Variants in LINGO2 observed in about 807,000 individuals in gnomAD.
LINGO2 encodes the protein leucine-rich repeat and immunoglobulin-like domain-containing nogo receptor-interacting protein 2.
LINGO2 carries 14 observed loss-of-function variants against 30.6 expected under a neutral mutation model. The ratio of observed to expected loss-of-function variants is 0.46; its 90% CI spans 0.30 to 0.72. The LOEUF is 0.72. LINGO2 is among the 30% of genes least tolerant of loss of function. LINGO2 has a pLI of 0.07. For missense variants in LINGO2, 729 were observed against 751.7 expected (o/e 0.97, Z 0.35); for synonymous variants, 317 against 288.5 (o/e 1.10, Z -1.00).
chr9:28,510,309 T>A (rs1820319564), intron 1 of LINGO2, among the ~76,000 whole-genome samples: 3 of 152,192 alleles, frequency 2.0e-5, no homozygotes, highest in Admixed American at 2.0e-4. Context: ...GAAGCCTTAC[T>A]GATAATACAT....
the LINGO2 span, among the ~76,000 whole-genome samples, chr9:28,781,478 C>A: frequency 1.3e-5 from 2 of 152,102 alleles, no homozygotes. Flanking sequence ...AATAGCAAAA[C>A]AAAATCATTA....
chr9:28,219,694 T>C (rs1247466259), intron 4 of LINGO2, among the ~76,000 whole-genome samples: 1 of 152,196 alleles, frequency 6.6e-6, no homozygotes, highest in Non-Finnish European at 1.5e-5. Flanking sequence ...TTTATACCCT[T>C]CATAGTTAGT....
intron 1 of LINGO2, among the ~76,000 whole-genome samples, chr9:28,610,761 T>G (rs961545433): frequency 6.6e-6 from 1 of 152,182 alleles, no homozygotes; most frequent in East Asian, 1.9e-4. Flanking sequence ...CTAAGTCATA[T>G]ATAGAATGGT....
At chr9:28,759,562 G>A in the LINGO2 span, among the ~76,000 whole-genome samples, 1 of 151,766 alleles carries the variant, frequency 6.6e-6, no homozygotes, top group East Asian at 1.9e-4. Flanking sequence ...GGCGCCTGCA[G>A]TCCCAGCTAC....
chr9:28,132,204 T>C (rs537924275), intron 4 of LINGO2, among the ~76,000 whole-genome samples: 16 of 152,244 alleles, frequency 1.1e-4, no homozygotes, highest in Non-Finnish European at 1.9e-4. Flanking sequence ...ATGTCGTCTA[T>C]GTTTCTACTG....
At chr9:29,018,870 C>T in the LINGO2 span, among the ~76,000 whole-genome samples, 3 of 152,178 alleles carry the variant, frequency 2.0e-5, no homozygotes, top group East Asian at 5.8e-4. Context: ...AACTCAAGAA[C>T]GAAATTCACA....
chr9:28,401,368 T>C (rs539927574), intron 2 of LINGO2, among the ~76,000 whole-genome samples: 63 of 152,236 alleles, frequency 4.1e-4, no homozygotes, highest in Middle Eastern at 3.4e-3. Flanking sequence ...CTCCCACTTA[T>C]GAGTGAGAAC....
chr9:29,181,959 T>G, the LINGO2 span, among the ~76,000 whole-genome samples: 1 of 152,210 alleles, frequency 6.6e-6, no homozygotes, highest in Non-Finnish European at 1.5e-5. Flanking sequence ...TTGAGGGCTG[T>G]TGACACTATG....
chr9:28,594,752 A>C (rs1825092375), intron 1 of LINGO2, among the ~76,000 whole-genome samples: 1 of 152,234 alleles, frequency 6.6e-6, no homozygotes, highest in Non-Finnish European at 1.5e-5. Context: ...TATCTAGTCC[A>C]TCAGAGCTCC....
chr9:28,503,620 T>A (rs187535449), intron 1 of LINGO2, among the ~76,000 whole-genome samples: 1 of 151,994 alleles, frequency 6.6e-6, no homozygotes, highest in African/African-American at 2.4e-5. Flanking sequence ...AGAGTAAAAC[T>A]TAAATGCCAT....
chr9:28,745,336 T>C, the LINGO2 span, among the ~76,000 whole-genome samples: 2 of 152,052 alleles, frequency 1.3e-5, no homozygotes, highest in Non-Finnish European at 2.9e-5. Flanking sequence ...TTGAAGGTTG[T>C]TTGTAAGTCA....
intron 2 of LINGO2, among the ~76,000 whole-genome samples, chr9:28,392,600 T>C (rs1243392196): frequency 6.6e-6 from 1 of 152,196 alleles, no homozygotes; most frequent in East Asian, 1.9e-4. Flanking sequence ...GAGGTGTTCA[T>C]CAACTCTCTT....
At chr9:28,906,481 A>G in the LINGO2 span, among the ~76,000 whole-genome samples, 1 of 152,024 alleles carries the variant, frequency 6.6e-6, no homozygotes, top group South Asian at 2.1e-4. Flanking sequence ...TAAAGTAGAT[A>G]CAGCAGATAT....
intron 5 of LINGO2, among the ~76,000 whole-genome samples, chr9:27,992,956 C>A (rs1298465934): frequency 1.3e-5 from 2 of 152,064 alleles, no homozygotes; most frequent in East Asian, 3.9e-4. Flanking sequence ...CTTGTGAGAA[C>A]TATGGGAGCT....
At chr9:28,378,365 G>A (rs1244340046) in intron 2 of LINGO2, among the ~76,000 whole-genome samples, 1 of 152,114 alleles carries the variant, frequency 6.6e-6, no homozygotes, top group Non-Finnish European at 1.5e-5. Flanking sequence ...AGTATCAGAG[G>A]GTTGTGAAAC....
At chr9:28,358,369 T>C (rs761525828) in intron 3 of LINGO2, among the ~76,000 whole-genome samples, 5 of 152,160 alleles carry the variant, frequency 3.3e-5, no homozygotes, top group Non-Finnish European at 7.3e-5. Flanking sequence ...CAGTATCTCC[T>C]GTCATATATT....
At chr9:28,843,921 G>C in the LINGO2 span, among the ~76,000 whole-genome samples, 1 of 151,742 alleles carries the variant, frequency 6.6e-6, no homozygotes, top group Non-Finnish European at 1.5e-5. Context: ...TAACTCCTTT[G>C]AGTCTTTATC....
At chr9:28,965,422 A>C in the LINGO2 span, among the ~76,000 whole-genome samples, 1 of 152,076 alleles carries the variant, frequency 6.6e-6, no homozygotes, top group South Asian at 2.1e-4. Context: ...AACTGGGCAC[A>C]AGAAAACATT....
the LINGO2 span, among the ~76,000 whole-genome samples, chr9:29,002,730 G>A: frequency 6.6e-6 from 1 of 151,920 alleles, no homozygotes; most frequent in Admixed American, 6.6e-5. Flanking sequence ...ACCTGACTCT[G>A]CTCAGGTACA....
Sources: allele counts gnomAD v4.1 joint callset (sites outside exome capture counted in the v4.1 genomes callset), GRCh38; gene constraint gnomAD v4.1.1; transcripts MANE v1.5; gene names NCBI Gene and HGNC (gene_info 2026-07-23, HGNC 2026-07-21).